Variants in ZNF805 observed in about 807,000 individuals in gnomAD.
ZNF805 encodes CTC-444N24.8.
ZNF805 carries 7 observed loss-of-function variants against 13.6 expected under a neutral mutation model. The observed-to-expected ratio is 0.51, with a 90% CI of 0.29 to 0.97. ZNF805 has a LOEUF of 0.97. ZNF805 is among the 50% of genes least tolerant of loss of function. ZNF805 has a pLI of 0.08. For synonymous variants in ZNF805, 293 were observed against 279.8 expected (o/e 1.05, Z -0.47); for missense variants, 604 against 771.0 (o/e 0.78, Z 2.57).
intron 2 of ZNF805, among the ~76,000 whole-genome samples, chr19:57,246,885 G>T (rs10415367): frequency 0.18 from 27,656 of 152,118 alleles, 2,635 homozygotes; most frequent in African/African-American, 0.2. Context: ...ATTCTCACAG[G>T]ATCCCTGTCC....
chr19:57,243,087 G>C (rs552119357), intron 1 of ZNF805, among the ~76,000 whole-genome samples: 2 of 152,124 alleles, frequency 1.3e-5, no homozygotes, highest in Admixed American at 6.5e-5. Flanking sequence ...GCAGTGGTGC[G>C]TTCCTGTAGT....
chr19:57,240,850 C>T lies in ZNF805; in HGVS notation c.-42C>T. 1.3e-6 allele frequency: 2 copies of T among 1,542,928 alleles called. No homozygotes were observed. Among genetic ancestry groups the T allele is most frequent in the Non-Finnish European group, 1.8e-6 (2 of 1,141,804 alleles). ...GGCTGAGCCCGCGAGACCCGCCCTG[C>T]TCGCCGCAGCCCCCGCCCCGCTAGG... is the stretch of plus-strand genomic sequence containing the variant. On this transcript the variant is annotated 5_prime_UTR_variant, in exon 1 of 4. Transcript: ENST00000414468.
In ZNF805 at chr19:57,253,865, G is replaced by A; in HGVS notation, c.1046G>A (p.Gly349Asp). ...GENPYECFEC[G>D]KVFKHRSYLM... ...AATCCCTACGAGTGCTTCGAATGTG[G>A]CAAGGTCTTCAAACACAGATCATAC... Residue 349 changes from glycine to aspartate, a missense_variant, in exon 4 of 4, where the codon GGC (glycine) becomes GAC (aspartate). By Grantham distance (94) the Gly-to-Asp change is moderately conservative. This residue lies in a region of ZNF805 where 228 missense variants were observed against 352.8 expected (regional missense o/e 0.65). Transcript: ENST00000414468. This position sits in a 1 kb window ranked among gnomAD's most constrained non-coding sequence, Gnocchi z 4.4. 1 of 1,614,142 alleles carries A rather than the reference G, an allele frequency of 6.2e-7. No homozygotes were observed. Among genetic ancestry groups the A allele is most frequent in the Non-Finnish European group, 8.5e-7 (1 of 1,180,026 alleles).
chr19:57,252,612 C>T (rs1374951536), intron 3 of ZNF805, among the ~76,000 whole-genome samples: 3 of 152,144 alleles, frequency 2.0e-5, no homozygotes, highest in African/African-American at 7.2e-5. Flanking sequence ...TACACAAGCA[C>T]GGTTAATCGA....
At chr19:57,252,173 C>G (rs1407398421) in intron 3 of ZNF805, among the ~76,000 whole-genome samples, 9 of 152,182 alleles carry the variant, frequency 5.9e-5, no homozygotes, top group Admixed American at 5.9e-4. Context: ...TTCTCACATT[C>G]TCTCGTGACA....
In ZNF805 at chr19:57,253,425, C is replaced by G. The variant is rs1339432502; in HGVS notation, c.606C>G (p.Ile202Met). Residue 202 changes from isoleucine (I) to methionine (M), a missense_variant, in exon 4 of 4, where the codon ATC becomes ATG. Around this residue, in one of 3 missense-constraint regions of ZNF805, gnomAD observed 327 missense variants for 378.2 expected, o/e 0.86. Transcript: ENST00000414468. The surrounding 1 kb of genome is among the most constrained non-coding windows in gnomAD (Gnocchi z 4.4). ...KNPVIQEEENIFKCNECEKVF... is the reference protein window; with the variant it reads ...KNPVIQEEENMFKCNECEKVF... ...CAGTTATTCAGGAAGAGGAAAATAT[C>G]TTTAAATGCAATGAATGTGAAAAAG... The G allele has an allele frequency of 1.9e-6, 3 of 1,564,356 alleles. No homozygotes were observed. The highest frequency in any genetic ancestry group is 1.4e-5 in the African/African-American group (1 of 73,432).
chr19:57,244,515 C>T (rs2087599748), intron 2 of ZNF805, among the ~76,000 whole-genome samples: 1 of 152,064 alleles, frequency 6.6e-6, no homozygotes, highest in South Asian at 2.1e-4. Context: ...CTGGCCTACA[C>T]TCACCTCTTC....
In ZNF805 at chr19:57,253,308, A is replaced by G. The variant is rs559762194; in HGVS notation, c.489A>G (p.Thr163=). Residue 163 remains threonine (T), a synonymous_variant, in exon 4 of 4, where the codon ACA becomes ACG. Coordinates refer to ENST00000414468, the MANE Select transcript of ZNF805 (RefSeq NM_001023563.4). This position sits in a 1 kb window ranked among gnomAD's most constrained non-coding sequence, Gnocchi z 4.4. ...KMSPKHDGLG[T]ADSVCSRIIQ... is the part of the protein sequence containing the mutation. ...GCCCCAAACATGATGGTTTAGGGAC[A>G]GCTGATAGTGTGTGTTCAAGGATTA... 4 of 1,574,612 alleles carry G rather than the reference A, an allele frequency of 2.5e-6. No homozygotes were observed. Among genetic ancestry groups the G allele is most frequent in the Admixed American group, 3.7e-5 (2 of 54,066 alleles).
Position 57,254,076 on chromosome 19 carries a change from G to A in ZNF805, c.1257G>A (p.Arg419=). The stretch of plus-strand genomic sequence containing the variant: ...GATCCTACCTCAAAAGGCACCAGCG[G>A]ATTCACACTGGGGAGAAGCCATATG... ...NHRSYLKRHQ[R]IHTGEKPYVC... Residue 419 remains arginine, a synonymous_variant, in exon 4 of 4, where the codon CGG becomes CGA. Transcript: ENST00000414468. 6.2e-7 allele frequency: 1 copy of A among 1,613,508 alleles called. No individual in the cohort carries two copies. Among genetic ancestry groups the A allele is most frequent in the Non-Finnish European group, 8.5e-7 (1 of 1,179,812 alleles).
chr19:57,243,814 C>T (rs2087594400), intron 1 of ZNF805, 109 bp from the exon 2 acceptor site: 8 of 1,475,582 alleles, frequency 5.4e-6, no homozygotes, highest in Non-Finnish European at 7.5e-6. Context: ...CAAAGTTAGG[C>T]CCTCAGGAGG....
Position 57,241,053 on chromosome 19 carries a change from C to T in ZNF805, c.30+132C>T, listed in dbSNP as rs556921778. ...TTGTTTACGAAACGTGGAGCAGGCT[C>T]GTCACTTAGTTTATCTCCTGTCGTG... On this transcript the variant is annotated intron_variant, in intron 1 of 3. Transcript: ENST00000414468. 32 of 1,014,718 alleles carry T rather than the reference C, an allele frequency of 3.2e-5. 1 individual carries two copies. The South Asian group carries it at 4.3e-4, about 14-fold the overall frequency. The allele number at this position is 1,014,718 out of a possible 1,614,324, so 62.9% of individuals were successfully genotyped here.
At chr19:57,245,770 C>T (rs1568488156) in intron 2 of ZNF805, among the ~76,000 whole-genome samples, 1 of 150,692 alleles carries the variant, frequency 6.6e-6, no homozygotes, top group Admixed American at 6.6e-5. Flanking sequence ...CAGAGCGAGA[C>T]TCCATCTCAA....
In ZNF805 at chr19:57,240,777, A is replaced by T; in HGVS notation, c.-115A>T. On this transcript the variant is annotated 5_prime_UTR_variant, in exon 1 of 4. Coordinates refer to ENST00000414468, the MANE Select transcript of ZNF805 (RefSeq NM_001023563.4). Reference sequence around the variant, plus strand: ...AGCCTCCCCGTAACGAGAGAGTTTGACTGTCAGCCAAGGTCACCGGGCCCG... The same window carrying T: ...AGCCTCCCCGTAACGAGAGAGTTTGTCTGTCAGCCAAGGTCACCGGGCCCG... 1 of 990,598 alleles carries T rather than the reference A, an allele frequency of 1.0e-6. No individual in the cohort carries two copies. Among genetic ancestry groups the T allele is most frequent in the Non-Finnish European group, 1.5e-6 (1 of 683,508 alleles). The allele number at this position is 990,598 out of a possible 1,614,324, so 61.4% of individuals were successfully genotyped here.
rs1320535746 is a variant in ZNF805 at position 57,245,661 on chromosome 19, C to T, written c.157+1612C>T. On this transcript the variant is annotated intron_variant, in intron 2 of 3. Coordinates refer to ENST00000414468, the MANE Select transcript of ZNF805 (RefSeq NM_001023563.4). The stretch of plus-strand genomic sequence containing the variant: ...GGGCGTGGTGGCGGGTGCCTGTAGT[C>T]CCAGCTACTCGGGAGGCTGAGGCAG... Among the ~76,000 whole-genome samples the T allele has an allele frequency of 4.6e-5, 7 of 150,996 alleles. No individual in the cohort carries two copies. The South Asian group carries it at 8.4e-4, about 18-fold the overall frequency.
In ZNF805 at chr19:57,244,157, C is replaced by T. The variant is rs1009881571; in HGVS notation, c.157+108C>T. 4.3e-6 allele frequency: 6 copies of T among 1,384,618 alleles called. No homozygotes were observed. In the African/African-American group the frequency reaches 7.4e-5, roughly 17 times the overall value. 85.8% of individuals were successfully genotyped at this position (1,384,618 alleles called of 1,614,324 possible). A position where few individuals can be genotyped will look rare whatever the true frequency, so the allele number is the denominator to read the frequency against. ...AGTCCTCTCTTACTGGCCTTGCCTC[C>T]TTCCCACAAATTCAGTCATTTTCTA... On this transcript the variant is annotated intron_variant, in intron 2 of 3. Transcript: ENST00000414468.
Position 57,260,644 on chromosome 19 carries a change from T to C in ZNF805, c.*5941T>C, listed in dbSNP as rs2087718719. On this transcript the variant is annotated 3_prime_UTR_variant, in exon 4 of 4. Coordinates refer to ENST00000414468, the MANE Select transcript of ZNF805 (RefSeq NM_001023563.4). Reference sequence around the variant, plus strand: ...AGCATCCATCATGATCATTGCTGTTTTCTAACTTGTCCTTCACCCCATGAC... The same window carrying C: ...AGCATCCATCATGATCATTGCTGTTCTCTAACTTGTCCTTCACCCCATGAC... 6.6e-6 allele frequency among the ~76,000 whole-genome samples: 1 copy of C among 152,218 alleles called. No individual in the cohort carries two copies. Among genetic ancestry groups the C allele is most frequent in the Non-Finnish European group, 1.5e-5 (1 of 68,046 alleles).
At position 57,261,320 on chromosome 19, in the gene ZNF805, T is replaced by A. The variant is rs2087722472; in HGVS notation, c.*6617T>A. 1 of 166,940 alleles carries A rather than the reference T, an allele frequency of 6.0e-6. No individual in the cohort carries two copies. The highest frequency in any genetic ancestry group is 1.5e-5 in the Non-Finnish European group (1 of 68,108). The allele number at this position is 166,940 out of a possible 1,614,324, so 10.3% of individuals were successfully genotyped here. On this transcript the variant is annotated 3_prime_UTR_variant, in exon 4 of 4. Coordinates refer to ENST00000414468, the MANE Select transcript of ZNF805 (RefSeq NM_001023563.4). ...CGGAGAATGTCTGGGTTTGAGGATA[T>A]GTGGGAGGGGTGGGGAGAAGGAGTA...
Position 57,248,602 on chromosome 19 carries a change from C to G in ZNF805, c.158-3C>G. The G allele has an allele frequency of 6.3e-7, 1 of 1,582,128 alleles. No homozygotes were observed. Among genetic ancestry groups the G allele is most frequent in the Non-Finnish European group, 8.6e-7 (1 of 1,162,322 alleles). On this transcript the variant is annotated splice_region_variant and splice_polypyrimidine_tract_variant and intron_variant, in intron 2 of 3. Coordinates refer to ENST00000414468, the MANE Select transcript of ZNF805 (RefSeq NM_001023563.4). ...TGTGTCCACTTGCTTTCTCCATAAA[C>G]AGGGTGTCCTGTTCCCAGACCTGAG... is the stretch of plus-strand genomic sequence containing the variant.
At chr19:57,241,255 C>T (rs2087578190) in intron 1 of ZNF805, among the ~76,000 whole-genome samples, 1 of 152,106 alleles carries the variant, frequency 6.6e-6, no homozygotes, top group Non-Finnish European at 1.5e-5. Context: ...AGCTAGATTA[C>T]TCTCTGGTGA....
Sources: gnomAD v4.1 joint callset for allele counts (sites outside exome capture counted in the v4.1 genomes callset) on GRCh38, gnomAD v4.1.1 for gene constraint, gnomAD v4.1.1 regional missense constraint, Gnocchi (gnomAD v3.1) non-coding constraint, MANE v1.5 for transcripts, NCBI Gene and HGNC (gene_info 2026-07-23, HGNC 2026-07-21) for gene names.